RNF180: variants seen among roughly 807,000 people sequenced by gnomAD.
The protein encoded by RNF180 is E3 ubiquitin-protein ligase RNF180.
In RNF180, 38 loss-of-function variants were observed where a neutral mutation model predicts 59.2. The ratio of observed to expected loss-of-function variants is 0.64; its 90% CI spans 0.50 to 0.84. The LOEUF (loss-of-function observed/expected upper bound fraction) is 0.84, where lower values mean the gene tolerates loss of function less well. Among genes scored for constraint, RNF180 ranks in the 40% least tolerant of loss-of-function variants. RNF180 has a pLI of 0.00. For missense variants in RNF180, 705 were observed against 700.9 expected (o/e 1.01, Z -0.07); for synonymous variants, 262 against 240.3 (o/e 1.09, Z -0.84).
At chr5:64,262,742 T>G (rs1466612577) in intron 5 of RNF180, among the ~76,000 whole-genome samples, 1 of 152,028 alleles carries the variant, frequency 6.6e-6, no homozygotes, top group African/African-American at 2.4e-5. Context: ...ATGTAGAAAA[T>G]TCATTTTGGC....
chr5:64,256,930 T>G (rs577927426), intron 5 of RNF180, among the ~76,000 whole-genome samples: 2 of 152,314 alleles, frequency 1.3e-5, no homozygotes, highest in South Asian at 4.1e-4. Flanking sequence ...CCCTTGTAAG[T>G]TGGATTCCTA....
At chr5:64,212,412 G>A (rs183744001) in intron 3 of RNF180, among the ~76,000 whole-genome samples, 1 of 151,552 alleles carries the variant, frequency 6.6e-6, no homozygotes, top group African/African-American at 2.4e-5. Flanking sequence ...GCATATATAT[G>A]ACATATATAT....
chr5:64,327,403 G>A (rs1744695788), intron 6 of RNF180, among the ~76,000 whole-genome samples: 1 of 151,976 alleles, frequency 6.6e-6, no homozygotes, highest in Non-Finnish European at 1.5e-5. Context: ...TCCTTCTAGT[G>A]CTTTGATGTA....
intron 7 of RNF180, among the ~76,000 whole-genome samples, chr5:64,335,434 C>T (rs1745082847): frequency 6.6e-6 from 1 of 151,756 alleles, no homozygotes; most frequent in Admixed American, 6.6e-5. Context: ...TTTGAAAGAT[C>T]TTTGAAACTG....
At chr5:64,323,557 T>C (rs577778177) in intron 5 of RNF180, among the ~76,000 whole-genome samples, 1 of 152,036 alleles carries the variant, frequency 6.6e-6, no homozygotes, top group East Asian at 1.9e-4. Flanking sequence ...ATAATAATAA[T>C]AGAATATAAT....
At chr5:64,348,831 A>G (rs1427062497) in intron 7 of RNF180, among the ~76,000 whole-genome samples, 1 of 152,114 alleles carries the variant, frequency 6.6e-6, no homozygotes, top group African/African-American at 2.4e-5. Context: ...ACCAAATGAT[A>G]TAACTTATTA....
chr5:64,172,892 A>G (rs1034075292), intron 1 of RNF180, among the ~76,000 whole-genome samples: 1 of 152,218 alleles, frequency 6.6e-6, no homozygotes, highest in Non-Finnish European at 1.5e-5. Context: ...TGTCATGGTC[A>G]GTGGGAATGC....
In RNF180 at chr5:64,240,945, C is replaced by A. The variant is rs529751205; in HGVS notation, c.1227+23549C>A. 1.5e-3 allele frequency among the ~76,000 whole-genome samples: 225 copies of A among 152,236 alleles called. 1 individual carries two copies. Among genetic ancestry groups the A allele is most frequent in the African/African-American group, 5.2e-3 (216 of 41,542 alleles). ...ACCTAATACATATTTTAATCTTTTT[C>A]TACCCTACTGGACTATAAATCTCAC... On this transcript the variant is annotated intron_variant, in intron 5 of 7. Transcript: ENST00000389100.
chr5:64,357,804 C>T (rs1310467802), intron 7 of RNF180, among the ~76,000 whole-genome samples: 3 of 151,586 alleles, frequency 2.0e-5, no homozygotes, highest in East Asian at 3.9e-4. Flanking sequence ...TATTCCGTAG[C>T]GAAAAAAAGT....
intron 1 of RNF180, among the ~76,000 whole-genome samples, chr5:64,176,612 A>T (rs1234020387): frequency 6.6e-6 from 1 of 152,130 alleles, no homozygotes; most frequent in African/African-American, 2.4e-5. Context: ...GAAACTCCTG[A>T]GTTTTTTAAT....
intron 5 of RNF180, among the ~76,000 whole-genome samples, chr5:64,320,776 C>T (rs1049860241): frequency 3.9e-5 from 6 of 152,338 alleles, no homozygotes; most frequent in South Asian, 2.1e-4. Context: ...CGATGGCTCA[C>T]GCCTGTAATC....
Position 64,231,468 on chromosome 5 carries a change from C to T in RNF180, c.1227+14072C>T, listed in dbSNP as rs148977909. 1.5e-3 allele frequency among the ~76,000 whole-genome samples: 225 copies of T among 152,228 alleles called. 1 individual carries two copies. The highest frequency in any genetic ancestry group is 5.2e-3 in the African/African-American group (216 of 41,516). On this transcript the variant is annotated intron_variant, in intron 5 of 7. Transcript: ENST00000389100. ...ATGTGCCACACACTCTTTATTTATC[C>T]TCAAATGGTGCAAATTTAATGAAAA...
intron 2 of RNF180, among the ~76,000 whole-genome samples, chr5:64,205,410 G>A (rs2112078925): frequency 6.6e-6 from 1 of 152,188 alleles, no homozygotes; most frequent in African/African-American, 2.4e-5. Flanking sequence ...TGAAATGTGG[G>A]CAAAAACCAA....
At chr5:64,326,938 C>T (rs1209536850) in intron 6 of RNF180, among the ~76,000 whole-genome samples, 3 of 152,054 alleles carry the variant, frequency 2.0e-5, no homozygotes, top group Non-Finnish European at 4.4e-5. Context: ...CACAGCTGGA[C>T]TTTTCTATGT....
intron 5 of RNF180, among the ~76,000 whole-genome samples, chr5:64,245,201 C>A (rs1743077761): frequency 6.6e-6 from 1 of 152,146 alleles, no homozygotes; most frequent in Non-Finnish European, 1.5e-5. Flanking sequence ...TGTGAAGAAA[C>A]CACATCAACT....
chr5:64,314,514 GTT>G (rs954304536), intron 5 of RNF180, among the ~76,000 whole-genome samples: 7 of 151,954 alleles, frequency 4.6e-5, no homozygotes, highest in African/African-American at 1.7e-4. Flanking sequence ...TAATGTGTCA[GTT>G]CTTATTACAC....
chr5:64,320,979 A>G (rs1236667616), intron 5 of RNF180, among the ~76,000 whole-genome samples: 2 of 152,262 alleles, frequency 1.3e-5, no homozygotes, highest in South Asian at 2.1e-4. Context: ...CGGAGCTTGC[A>G]GTGAGCCGAG....
chr5:64,348,058 T>C (rs773423344), intron 7 of RNF180, among the ~76,000 whole-genome samples: 4 of 152,130 alleles, frequency 2.6e-5, no homozygotes, highest in African/African-American at 7.2e-5. Context: ...ATGTATCTTA[T>C]GCATTTCTGG....
chr5:64,355,106 G>A (rs554482999), intron 7 of RNF180, among the ~76,000 whole-genome samples: 88 of 151,906 alleles, frequency 5.8e-4, no homozygotes, highest in African/African-American at 2.1e-3. Context: ...ATAAATAAAA[G>A]GCATCCAAAT....
Sources: allele counts gnomAD v4.1 joint callset (sites outside exome capture counted in the v4.1 genomes callset), GRCh38; gene constraint gnomAD v4.1.1; transcripts MANE v1.5; gene names NCBI Gene and HGNC (gene_info 2026-07-23, HGNC 2026-07-21).